Variants in CSF2RA observed in about 807,000 individuals in gnomAD.
The protein encoded by CSF2RA is granulocyte-macrophage colony-stimulating factor receptor subunit alpha.
A neutral mutation model predicts 51.6 loss-of-function variants in CSF2RA; 42 were observed. That is an observed-to-expected ratio of 0.81 (90% CI 0.64 to 1.05). CSF2RA has a LOEUF of 1.05. Ranked by LOEUF, CSF2RA falls within the 50% of genes least tolerant of loss-of-function variation. The probability of loss-of-function intolerance (pLI) is 0.00; values close to 1 mark genes in which losing one functional copy is unlikely to be tolerated. For missense variants in CSF2RA, 530 were observed against 501.1 expected (o/e 1.06, Z -0.55); for synonymous variants, 222 against 193.0 (o/e 1.15, Z -1.24).
At chrX:1,274,570 C>T (rs372200576) in intron 1 of CSF2RA, among the ~76,000 whole-genome samples, 185 bp from the exon 2 acceptor site, 18,374 of 133,140 alleles carry the variant, frequency 0.14, 2,173 homozygotes, top group East Asian at 0.22. Context: ...AATGATCCAC[C>T]TGCCTCGGCC....
intron 2 of CSF2RA, among the ~76,000 whole-genome samples, chrX:1,275,103 A>AG (rs1374383460): frequency 6.6e-6 from 1 of 151,364 alleles, no homozygotes; most frequent in African/African-American, 2.4e-5. Flanking sequence ...AAAAAAAAAA[A>AG]AAGAGCCGGC....
intron 2 of CSF2RA, chrX:1,281,766 C>T (rs1274155244): frequency 6.6e-6 from 1 of 150,454 alleles, no homozygotes; most frequent in Non-Finnish European, 1.5e-5. Flanking sequence ...AAAGTGGATT[C>T]TTTCCCTTAG....
Position 1,282,432 on chromosome X carries a change from A to G in CSF2RA, c.-26-246A>G, listed in dbSNP as rs2090167216. On this transcript the variant is annotated intron_variant, in intron 2 of 12. Coordinates refer to ENST00000381529, the MANE Select transcript of CSF2RA (RefSeq NM_172245.4). The stretch of plus-strand genomic sequence containing the variant: ...AGGTCAGCTGAGCCATGACCCATGA[A>G]CCATGGAAGCTTGACTCTAGATTGA... The G allele has an allele frequency of 5.1e-6, 3 of 589,142 alleles. No homozygotes were observed. The Admixed American group carries it at 8.8e-5, about 17-fold the overall frequency. 36.5% of individuals were successfully genotyped at this position (589,142 alleles called of 1,614,324 possible).
intron 3 of CSF2RA, among the ~76,000 whole-genome samples, chrX:1,283,550 C>G (rs2090307634): frequency 8.8e-6 from 1 of 114,224 alleles, no homozygotes; most frequent in Non-Finnish European, 1.8e-5. Flanking sequence ...TTTCTTCTTT[C>G]TTTCTTTCTT....
At chrX:1,281,965 G>A (rs1457610819) in intron 2 of CSF2RA, 2 of 146,460 alleles carry the variant, frequency 1.4e-5, no homozygotes. Context: ...GGAGGCCGAG[G>A]CAGGTGGATC....
At chrX:1,275,207 AT>A (rs1433219447) in intron 2 of CSF2RA, among the ~76,000 whole-genome samples, 1 of 151,994 alleles carries the variant, frequency 6.6e-6, no homozygotes, top group Non-Finnish European at 1.5e-5. Context: ...CCTGGCCAAC[AT>A]GGTGAAACCC....
chrX:1,275,768 C>T (rs2053291277), intron 2 of CSF2RA, among the ~76,000 whole-genome samples: 1 of 151,874 alleles, frequency 6.6e-6, no homozygotes, highest in Admixed American at 6.6e-5. Flanking sequence ...CCGTGTTAGC[C>T]AGGATGGTCT....
At chrX:1,324,064 T>C in the CSF2RA span, among the ~76,000 whole-genome samples, 1 of 151,556 alleles carries the variant, frequency 6.6e-6, no homozygotes, top group Non-Finnish European at 1.5e-5. Context: ...ATGTTCCTGT[T>C]GCCCTAGCTA....
the CSF2RA span, among the ~76,000 whole-genome samples, chrX:1,318,320 C>A: frequency 2.0e-5 from 3 of 151,898 alleles, no homozygotes; most frequent in Non-Finnish European, 4.4e-5. Context: ...TACGCCACCA[C>A]ACCCAGCTAA....
rs1482036779 is a variant in CSF2RA at position 1,294,441 on chromosome X, C to G, written c.760C>G (p.Gln254Glu). The change falls in exon 8 of 13, where the codon CAG becomes GAG. Residue 254 changes from glutamine to glutamate, a missense_variant. By Grantham distance (29) the Gln-to-Glu change is conservative. Coordinates refer to ENST00000381529, the MANE Select transcript of CSF2RA (RefSeq NM_172245.4). ...QKLSYLDFQY[Q>E]LDVHRKNTQP... ...GCTGTCGTACCTGGACTTTCAGTAC[C>G]AGCTGGACGTCCACAGAAAGGTCGG... is the stretch of plus-strand genomic sequence containing the variant. The G allele has an allele frequency of 1.2e-6, 2 of 1,611,302 alleles. No homozygotes were observed. The highest frequency in any genetic ancestry group is 1.4e-5 in the African/African-American group (1 of 72,704).
intron 10 of CSF2RA, 65 bp downstream of exon 10, chrX:1,300,691 G>T: frequency 1.9e-6 from 3 of 1,608,376 alleles, no homozygotes; most frequent in South Asian, 2.2e-5. Context: ...CAGGCACAGA[G>T]GTCAGGTGCT....
intron 7 of CSF2RA, 76 bp from the exon 8 acceptor site, chrX:1,294,252 C>A: frequency 1.3e-6 from 2 of 1,576,238 alleles, no homozygotes; most frequent in Non-Finnish European, 1.7e-6. Context: ...GGAGGAGACT[C>A]TGCACCACCT....
At chrX:1,282,296 C>A in intron 2 of CSF2RA, 1 of 233,918 alleles carries the variant, frequency 4.3e-6, no homozygotes, top group Non-Finnish European at 8.5e-6. Flanking sequence ...TCCCCAAATC[C>A]ACTAATTATT....
In CSF2RA at chrX:1,288,655, G is replaced by C; in HGVS notation, c.343+13G>C. On this transcript the variant is annotated intron_variant, in intron 5 of 12. Transcript: ENST00000381529. ...TATCCAAATTCAGGTAAGCAAGACA[G>C]CTCAGGGATCCGTTTACAGCACTGG... 1.2e-6 allele frequency: 2 copies of C among 1,613,944 alleles called. No homozygotes were observed. Among genetic ancestry groups the C allele is most frequent in the Non-Finnish European group, 1.7e-6 (2 of 1,179,860 alleles).
rs1426790336 is a variant in CSF2RA at position 1,287,765 on chromosome X, CTCTG to C, written c.220-747_220-744del. Among the ~76,000 whole-genome samples, 8 of 128,502 alleles carry C rather than the reference CTCTG, an allele frequency of 6.2e-5. 1 individual carries two copies. The East Asian group carries it at 7.9e-4, about 13-fold the overall frequency. The allele number at this position is 128,502 out of a possible 152,430, so 84.3% of individuals were successfully genotyped here. Reference sequence around the variant, plus strand: ...GACCCTTTTTTTGGGGGGATGGAGTCTCTGTCTGTCACCCAGGCTGGAGTGCACT... The same window carrying C: ...GACCCTTTTTTTGGGGGGATGGAGTCTCTGTCACCCAGGCTGGAGTGCACT... On this transcript the variant is annotated intron_variant, in intron 4 of 12. Coordinates refer to ENST00000381529, the MANE Select transcript of CSF2RA (RefSeq NM_172245.4).
At chrX:1,323,958 G>A in the CSF2RA span, among the ~76,000 whole-genome samples, 2 of 151,872 alleles carry the variant, frequency 1.3e-5, no homozygotes, top group Non-Finnish European at 2.9e-5. Flanking sequence ...AGGTTGTGGT[G>A]AGCCAAGATC....
At chrX:1,296,257 G>A (rs1404459303) in intron 9 of CSF2RA, among the ~76,000 whole-genome samples, 147 of 147,362 alleles carry the variant, frequency 1.0e-3, no homozygotes, top group South Asian at 2.6e-3. Context: ...AACCCCTAGT[G>A]TAACCCTACA....
At chrX:1,309,240 G>A (rs762069096) in intron 12 of CSF2RA, among the ~76,000 whole-genome samples, 162 bp from the exon 13 acceptor site, 32 of 152,198 alleles carry the variant, frequency 2.1e-4, no homozygotes, top group East Asian at 7.8e-4. Context: ...GCTTGAACCC[G>A]GGAGGCCGAG....
the CSF2RA span, among the ~76,000 whole-genome samples, chrX:1,322,367 C>T: frequency 1.3e-5 from 2 of 151,258 alleles, no homozygotes; most frequent in Admixed American, 6.6e-5. Flanking sequence ...CCACCTCAGC[C>T]TCCCAAAGTG....
Sources: gnomAD v4.1 joint callset for allele counts (sites outside exome capture counted in the v4.1 genomes callset) on GRCh38, gnomAD v4.1.1 for gene constraint, MANE v1.5 for transcripts, NCBI Gene and HGNC (gene_info 2026-07-23, HGNC 2026-07-21) for gene names.